The following OTOGL variants were observed in gnomAD, a reference collection of about 807,000 sequenced individuals.
The protein encoded by OTOGL is otogelin-like protein.
OTOGL carries 285 observed loss-of-function variants against 318.5 expected under a neutral mutation model. The ratio of observed to expected loss-of-function variants is 0.89; its 90% CI spans 0.81 to 0.99. The LOEUF (loss-of-function observed/expected upper bound fraction) is 0.99, where lower values mean the gene tolerates loss of function less well. OTOGL is among the 50% of genes least tolerant of loss of function. The pLI is 0.00. For missense variants in OTOGL, 2,899 were observed against 2,845.6 expected (o/e 1.02, Z -0.43); for synonymous variants, 987 against 936.5 (o/e 1.05, Z -0.99).
intron 1 of OTOGL, among the ~76,000 whole-genome samples, chr12:80,186,159 T>C (rs371066041): frequency 2.7e-4 from 41 of 152,350 alleles, no homozygotes; most frequent in African/African-American, 9.1e-4. Flanking sequence ...GGAAAATGTG[T>C]TCAAAACCAA....
Position 80,380,872 on chromosome 12 carries a change from G to A in OTOGL, c.*2824G>A, listed in dbSNP as rs1269657887. 1.3e-5 allele frequency: 2 copies of A among 152,060 alleles called. No individual in the cohort carries two copies. The highest frequency in any genetic ancestry group is 2.1e-4 in the South Asian group (1 of 4,826). The allele number at this position is 152,060 out of a possible 1,614,324, so 9.4% of individuals were successfully genotyped here. A position where few individuals can be genotyped will look rare whatever the true frequency, so the allele number is the denominator to read the frequency against. On this transcript the variant is annotated 3_prime_UTR_variant, in exon 59 of 59. Transcript: ENST00000547103. Reference sequence around the variant, plus strand: ...AACCAACAATAGTTGAATAAACTACGTTAATCCACATGTGTAATACTATAC... The same window carrying A: ...AACCAACAATAGTTGAATAAACTACATTAATCCACATGTGTAATACTATAC...
Position 80,127,535 on chromosome 12 carries a change from G to A in OTOGL, c.-20+27930G>A, listed in dbSNP as rs200862163. ...TGTGTGTCTTGGAGTTGCTCTTCTC[G>A]AGGAGTATCTTTGTGGCATTCTCTG... is the stretch of plus-strand genomic sequence containing the variant. On this transcript the variant is annotated intron_variant, in intron 1 of 58. Coordinates refer to ENST00000547103, the MANE Select transcript of OTOGL (RefSeq NM_001378609.3). Among the ~76,000 whole-genome samples the A allele has an allele frequency of 9.9e-5, 15 of 152,152 alleles. No homozygotes were observed. The East Asian group carries it at 2.5e-3, about 25-fold the overall frequency.
intron 1 of OTOGL, among the ~76,000 whole-genome samples, chr12:80,136,598 A>G (rs908010050): frequency 6.6e-6 from 1 of 152,206 alleles, no homozygotes; most frequent in Non-Finnish European, 1.5e-5. Context: ...ACCTTCCAGG[A>G]AAGTCTCAGG....
chr12:80,351,505 G>A (rs1000979657), intron 44 of OTOGL, among the ~76,000 whole-genome samples: 2 of 152,004 alleles, frequency 1.3e-5, no homozygotes, highest in Non-Finnish European at 2.9e-5. Flanking sequence ...TAGTAGAGAC[G>A]GAGTTTCACC....
chr12:80,226,348 G>T (rs1252558162), intron 7 of OTOGL, among the ~76,000 whole-genome samples: 3 of 151,874 alleles, frequency 2.0e-5, no homozygotes, highest in African/African-American at 7.3e-5. Flanking sequence ...ATGATTTTCT[G>T]TCTCTACTTG....
At chr12:80,189,177 A>G (rs183093442) in intron 1 of OTOGL, among the ~76,000 whole-genome samples, 1 of 152,330 alleles carries the variant, frequency 6.6e-6, no homozygotes, top group Admixed American at 6.5e-5. Context: ...GGAAGAAGGA[A>G]GTATAGGATT....
At chr12:80,129,023 G>A (rs559084729) in intron 1 of OTOGL, among the ~76,000 whole-genome samples, 2 of 152,072 alleles carry the variant, frequency 1.3e-5, no homozygotes, top group Admixed American at 6.5e-5. Flanking sequence ...TTTGGCTCAC[G>A]CTCGGTGCAC....
chr12:80,172,217 T>C (rs1226715063), intron 1 of OTOGL, among the ~76,000 whole-genome samples: 1 of 152,170 alleles, frequency 6.6e-6, no homozygotes, highest in East Asian at 1.9e-4. Context: ...TTCTTCCTAG[T>C]TTATCAGTCT....
intron 1 of OTOGL, among the ~76,000 whole-genome samples, chr12:80,180,624 A>G (rs1436202370): frequency 1.3e-5 from 2 of 152,166 alleles, no homozygotes; most frequent in Non-Finnish European, 2.9e-5. Context: ...ATGGGCTTAA[A>G]TTTTAAAATG....
rs574864892 is a variant in OTOGL, at chr12:80,251,927, T to C, written c.1159+128T>C. ...ATTTGTTATTGAGATATCCATGAAC[T>C]TGCATACTTTTTGAAACAAGTATGC... On this transcript the variant is annotated intron_variant, in intron 12 of 58. Coordinates refer to ENST00000547103, the MANE Select transcript of OTOGL (RefSeq NM_001378609.3). 9.1e-4 allele frequency: 1,084 copies of C among 1,186,546 alleles called. 1 individual carries two copies. Among genetic ancestry groups the C allele is most frequent in the Non-Finnish European group, 1.1e-3 (983 of 882,146 alleles). The allele number at this position is 1,186,546 out of a possible 1,614,324, so 73.5% of individuals were successfully genotyped here.
intron 26 of OTOGL, among the ~76,000 whole-genome samples, chr12:80,280,105 A>G (rs56290418): frequency 0.06 from 9,091 of 151,686 alleles, 341 homozygotes; most frequent in Non-Finnish European, 0.081. Context: ...TATTCTTTTG[A>G]GATGTGTCTG....
In OTOGL at chr12:80,271,901, TGTTGTTCTG is replaced by T. The variant is rs1883440384; in HGVS notation, c.2681+92_2681+100del. The T allele has an allele frequency of 4.2e-6, 6 of 1,419,590 alleles. No homozygotes were observed. The Admixed American group carries it at 8.5e-5, about 20-fold the overall frequency. The allele number at this position is 1,419,590 out of a possible 1,614,324, so 87.9% of individuals were successfully genotyped here. ...CATTCTTTATAGAAATAGCCAGAAT[TGTTGTTCTG>T]ACTAGTGGTTAACTGGGTTGGTAGC... On this transcript the variant is annotated intron_variant, in intron 24 of 58. Coordinates refer to ENST00000547103, the MANE Select transcript of OTOGL (RefSeq NM_001378609.3).
intron 1 of OTOGL, chr12:80,208,067 T>C (rs528321189): frequency 2.3e-6 from 1 of 438,622 alleles, no homozygotes; most frequent in African/African-American, 2.1e-5. Flanking sequence ...TGTGTGTACA[T>C]GTGTGTGTGC....
At chr12:80,250,590 A>G (rs1881451926) in intron 11 of OTOGL, among the ~76,000 whole-genome samples, 1 of 152,118 alleles carries the variant, frequency 6.6e-6, no homozygotes, top group Admixed American at 6.5e-5. Context: ...GGTTTAGAAT[A>G]TTTTCTGAGC....
chr12:80,105,958 A>G (rs1273617713), intron 1 of OTOGL, among the ~76,000 whole-genome samples: 1 of 152,238 alleles, frequency 6.6e-6, no homozygotes, highest in Non-Finnish European at 1.5e-5. Flanking sequence ...CCATAAAAAC[A>G]TGAGCAAACT....
intron 21 of OTOGL, among the ~76,000 whole-genome samples, chr12:80,267,021 A>C (rs1049723778): frequency 6.6e-6 from 1 of 152,160 alleles, no homozygotes; most frequent in Non-Finnish European, 1.5e-5. Context: ...CTTGTGACTA[A>C]AACAACACAG....
chr12:80,157,584 A>G (rs1873211644), intron 1 of OTOGL, among the ~76,000 whole-genome samples: 1 of 152,078 alleles, frequency 6.6e-6, no homozygotes, highest in African/African-American at 2.4e-5. Flanking sequence ...TGTTACATCT[A>G]TTTTGTTTAA....
Position 80,378,677 on chromosome 12 carries a change from C to G in OTOGL, c.*629C>G, listed in dbSNP as rs1054142887. On this transcript the variant is annotated 3_prime_UTR_variant, in exon 59 of 59. Coordinates refer to ENST00000547103, the MANE Select transcript of OTOGL (RefSeq NM_001378609.3). ...TTCATGTTAACAGTTGGATTAAATC[C>G]TAGCTCTCTCTTATTCCAGTACTAT... 6.6e-6 allele frequency: 1 copy of G among 152,034 alleles called. No homozygotes were observed. The highest frequency in any genetic ancestry group is 2.4e-5 in the African/African-American group (1 of 41,398). The allele number at this position is 152,034 out of a possible 1,614,324, so 9.4% of individuals were successfully genotyped here. A position where few individuals can be genotyped will look rare whatever the true frequency, so the allele number is the denominator to read the frequency against.
chr12:80,318,343 A>G (rs755022849), intron 32 of OTOGL, among the ~76,000 whole-genome samples: 3 of 152,206 alleles, frequency 2.0e-5, no homozygotes, highest in African/African-American at 7.2e-5. Context: ...AACATTTTGC[A>G]TAACCTACAA....
Sources: allele counts gnomAD v4.1 joint callset (sites outside exome capture counted in the v4.1 genomes callset), GRCh38; gene constraint gnomAD v4.1.1; transcripts MANE v1.5; gene names NCBI Gene and HGNC (gene_info 2026-07-23, HGNC 2026-07-21).